The following ITGA9 variants were observed in gnomAD, a reference collection of about 807,000 sequenced individuals.
The protein encoded by ITGA9 is integrin subunit alpha 9, also known as integrin alpha-9.
In ITGA9, 56 loss-of-function variants were observed where a neutral mutation model predicts 127.8. That is an observed-to-expected ratio of 0.44 (90% CI 0.35 to 0.55). The LOEUF (loss-of-function observed/expected upper bound fraction) is 0.55. Among genes scored for constraint, ITGA9 ranks in the 20% least tolerant of loss-of-function variants. The pLI is 0.00. For synonymous variants in ITGA9, 508 were observed against 514.5 expected (o/e 0.99, Z 0.17); for missense variants, 1,196 against 1,347.1 (o/e 0.89, Z 1.76).
At chr3:37,523,425 C>A in intron 11 of ITGA9, 96 bp from the exon 12 acceptor site, 1 of 960,794 alleles carries the variant, frequency 1.0e-6, no homozygotes, top group Non-Finnish European at 1.7e-6. Flanking sequence ...AACTTTAAGA[C>A]CAAGTGTCCT....
Position 37,822,209 on chromosome 3 carries a change from T to G in ITGA9, c.*3220T>G, listed in dbSNP as rs1187051950. ...CAGTATTATTTCAGTTTCCTTCAGC[T>G]TTTAGTTGAATCTTCAATGTGGTTT... On this transcript the variant is annotated 3_prime_UTR_variant, in exon 28 of 28. Coordinates refer to ENST00000264741, the MANE Select transcript of ITGA9 (RefSeq NM_002207.3). The G allele has an allele frequency of 6.6e-6, 1 of 152,228 alleles. No individual in the cohort carries two copies. The highest frequency in any genetic ancestry group is 1.5e-5 in the Non-Finnish European group (1 of 68,048). 9.4% of individuals were successfully genotyped at this position (152,228 alleles called of 1,614,324 possible). A position where few individuals can be genotyped will look rare whatever the true frequency, so the allele number is the denominator to read the frequency against.
intron 18 of ITGA9, among the ~76,000 whole-genome samples, chr3:37,687,827 C>A (rs761516144): frequency 2.6e-5 from 4 of 152,164 alleles, no homozygotes; most frequent in Non-Finnish European, 5.9e-5. Context: ...TACCCTGATA[C>A]AATGATACAG....
intron 15 of ITGA9, among the ~76,000 whole-genome samples, chr3:37,601,627 A>T (rs1287655736): frequency 6.6e-6 from 1 of 152,220 alleles, no homozygotes; most frequent in East Asian, 1.9e-4. Context: ...ATTTTCAGAC[A>T]CCATGGCTTC....
chr3:37,773,636 T>C (rs1262187145), intron 23 of ITGA9, among the ~76,000 whole-genome samples: 3 of 152,102 alleles, frequency 2.0e-5, no homozygotes, highest in Non-Finnish European at 2.9e-5. Context: ...ATGATTGCCT[T>C]TGAGGTGGGG....
chr3:37,628,811 G>T (rs1268979740), intron 15 of ITGA9, among the ~76,000 whole-genome samples: 1 of 152,198 alleles, frequency 6.6e-6, no homozygotes, highest in Non-Finnish European at 1.5e-5. Flanking sequence ...AAGAGATGTG[G>T]TCATCGAAAC....
intron 6 of ITGA9, 73 bp from the exon 7 acceptor site, chr3:37,505,926 TC>T: frequency 1.8e-6 from 2 of 1,105,686 alleles, no homozygotes. Flanking sequence ...AGAAACATTT[TC>T]CTCTGATGGA....
intron 18 of ITGA9, among the ~76,000 whole-genome samples, chr3:37,725,657 G>A (rs368106429): frequency 1.3e-5 from 2 of 152,166 alleles, no homozygotes; most frequent in East Asian, 1.9e-4. Context: ...TAAAGAGAAG[G>A]TGTACATAGA....
At chr3:37,728,988 G>A (rs1383776935) in intron 18 of ITGA9, among the ~76,000 whole-genome samples, 1 of 151,988 alleles carries the variant, frequency 6.6e-6, no homozygotes, top group Non-Finnish European at 1.5e-5. Context: ...TTGAGGCAAA[G>A]GGGACATCCT....
chr3:37,698,129 T>C (rs1166110808), intron 18 of ITGA9, among the ~76,000 whole-genome samples: 1 of 152,254 alleles, frequency 6.6e-6, no homozygotes, highest in Non-Finnish European at 1.5e-5. Flanking sequence ...TGCATAAATG[T>C]CTTCTTTTGA....
intron 15 of ITGA9, among the ~76,000 whole-genome samples, chr3:37,614,866 C>G (rs1166569828): frequency 6.6e-6 from 1 of 152,168 alleles, no homozygotes; most frequent in Admixed American, 6.5e-5. Context: ...AGATTTTGGG[C>G]TGAGATGATG....
At chr3:37,681,217 G>C (rs1046927326) in intron 17 of ITGA9, among the ~76,000 whole-genome samples, 12 of 152,178 alleles carry the variant, frequency 7.9e-5, no homozygotes, top group African/African-American at 2.9e-4. Flanking sequence ...AGCAGAAAAG[G>C]AATTTATTAA....
At chr3:37,461,730 G>T (rs528112316) in intron 1 of ITGA9, among the ~76,000 whole-genome samples, 3 of 152,200 alleles carry the variant, frequency 2.0e-5, no homozygotes, top group African/African-American at 7.2e-5. Context: ...GCATTTTTGT[G>T]CATTCATTTA....
At chr3:37,475,876 G>A (rs1441881735) in intron 3 of ITGA9, among the ~76,000 whole-genome samples, 2 of 151,998 alleles carry the variant, frequency 1.3e-5, no homozygotes, top group East Asian at 1.9e-4. Flanking sequence ...TCTCCTTCCC[G>A]TGGTTCCTGG....
intron 12 of ITGA9, 123 bp downstream of exon 12, chr3:37,523,734 A>G (rs2125582668): frequency 2.6e-6 from 2 of 774,766 alleles, no homozygotes; most frequent in South Asian, 2.9e-5. Context: ...ACACAATAGA[A>G]TAGGGTGTTT....
chr3:37,733,543 A>G (rs1696323304), intron 19 of ITGA9, among the ~76,000 whole-genome samples: 1 of 142,020 alleles, frequency 7.0e-6, no homozygotes, highest in African/African-American at 2.7e-5. Flanking sequence ...AAAAAAAAAA[A>G]AGTGAAAGCT....
At position 37,814,522 on chromosome 3, in the gene ITGA9, G is replaced by A. The variant is rs1697406258; in HGVS notation, c.3010-4369G>A. ...GGAGGTTGCAGTGAGCCAAGATCGTGCCACTGCACTCCAGCCTGGCAACAG... is the reference window on the plus strand; with the variant it reads ...GGAGGTTGCAGTGAGCCAAGATCGTACCACTGCACTCCAGCCTGGCAACAG... On this transcript the variant is annotated intron_variant, in intron 27 of 27. Coordinates refer to ENST00000264741, the MANE Select transcript of ITGA9 (RefSeq NM_002207.3). This position sits in a 1 kb window ranked among gnomAD's most constrained non-coding sequence, Gnocchi z 4.3. Among the ~76,000 whole-genome samples, 1 of 152,100 alleles carries A rather than the reference G, an allele frequency of 6.6e-6. No individual in the cohort carries two copies. Among genetic ancestry groups the A allele is most frequent in the African/African-American group, 2.4e-5 (1 of 41,396 alleles).
In ITGA9 at chr3:37,649,653, C is replaced by T. The variant is rs1700411654; in HGVS notation, c.1840-4061C>T. Among the ~76,000 whole-genome samples the T allele has an allele frequency of 3.3e-5, 5 of 152,242 alleles. No individual in the cohort carries two copies. In the South Asian group the frequency reaches 1.0e-3, roughly 32 times the overall value. On this transcript the variant is annotated intron_variant, in intron 16 of 27. Coordinates refer to ENST00000264741, the MANE Select transcript of ITGA9 (RefSeq NM_002207.3). ...ACCCCACTCTCAATAATGGATAGGA[C>T]ATCTAGACAGAAAATCAGTAAAGAA...
At chr3:37,756,365 C>T (rs2125540656) in intron 23 of ITGA9, among the ~76,000 whole-genome samples, 1 of 152,166 alleles carries the variant, frequency 6.6e-6, no homozygotes, top group South Asian at 2.1e-4. Context: ...CATAGAAACA[C>T]AAAAAGAAAT....
At chr3:37,525,909 C>T (rs1699088074) in intron 12 of ITGA9, 117 bp from the exon 13 acceptor site, 2 of 814,958 alleles carry the variant, frequency 2.5e-6, no homozygotes, top group African/African-American at 1.7e-5. Context: ...AGACAGTGGT[C>T]GTCTGAGGGC....
Sources: allele counts gnomAD v4.1 joint callset (sites outside exome capture counted in the v4.1 genomes callset), GRCh38; gene constraint gnomAD v4.1.1; non-coding constraint Gnocchi (gnomAD v3.1); transcripts MANE v1.5; gene names NCBI Gene and HGNC (gene_info 2026-07-23, HGNC 2026-07-21).